EP400: variants seen among roughly 807,000 people sequenced by gnomAD.
EP400 encodes E1A-binding protein p400.
In EP400, 105 loss-of-function variants were observed where a neutral mutation model predicts 354.1. The ratio of observed to expected loss-of-function variants is 0.30; its 90% CI spans 0.25 to 0.35. The LOEUF (loss-of-function observed/expected upper bound fraction) is 0.35, where lower values mean the gene tolerates loss of function less well. Among genes scored for constraint, EP400 ranks in the 10% least tolerant of loss-of-function variants. The probability of loss-of-function intolerance (pLI) is 1.00; values close to 1 mark genes in which losing one functional copy is unlikely to be tolerated. For missense variants in EP400, 3,280 were observed against 4,121.0 expected (o/e 0.80, Z 5.59); for synonymous variants, 1,646 against 1,716.9 (o/e 0.96, Z 1.02).
chr12:131,980,691 G>A (rs1009821022), intron 3 of EP400, among the ~76,000 whole-genome samples: 27 of 152,220 alleles, frequency 1.8e-4, no homozygotes, highest in Non-Finnish European at 3.4e-4. Flanking sequence ...GACTACAGGC[G>A]CGTGCCACCA....
At chr12:131,956,498 T>G (rs1044754825) in intron 1 of EP400, among the ~76,000 whole-genome samples, 6 of 152,208 alleles carry the variant, frequency 3.9e-5, no homozygotes, top group Non-Finnish European at 4.4e-5. Flanking sequence ...GAGTATTGTT[T>G]ATGTACAGTT....
chr12:132,044,829 C>T lies in EP400; in HGVS notation c.6660C>T (p.Asp2220=), dbSNP rs147763834. 1.2e-5 allele frequency: 19 copies of T among 1,614,030 alleles called. No homozygotes were observed. In the African/African-American group the frequency reaches 1.9e-4, roughly 16 times the overall value. ...PLWTPPTPPQ[D]DSDIYLDSVM... Reference sequence around the variant, plus strand: ...GGACCCCACCCACCCCGCCGCAGGACGACAGCGACATCTACCTCGACTCGG... The same window carrying T: ...GGACCCCACCCACCCCGCCGCAGGATGACAGCGACATCTACCTCGACTCGG... The change falls in exon 37 of 53, where the codon GAC becomes GAT. Residue 2220 remains aspartate, a synonymous_variant. Transcript: ENST00000389561.
chr12:131,999,921 C>G (rs1179003263), intron 12 of EP400, among the ~76,000 whole-genome samples: 5 of 150,208 alleles, frequency 3.3e-5, no homozygotes, highest in Non-Finnish European at 7.4e-5. Flanking sequence ...CTTCTTTCTC[C>G]TAATACTGTG....
chr12:131,970,995 C>T (rs1449050141), intron 2 of EP400, among the ~76,000 whole-genome samples: 3 of 152,010 alleles, frequency 2.0e-5, no homozygotes, highest in African/African-American at 2.4e-5. Context: ...CTTGAGACCG[C>T]GTATTCAAGA....
At position 132,069,527 on chromosome 12, in the gene EP400, G is replaced by T. The variant is rs138421958; in HGVS notation, c.8907G>T (p.Ala2969=). The stretch of plus-strand genomic sequence containing the variant: ...CACAGCAGATCACCACCCCTGGCGC[G>T]CAGCAGAAGGTTGCCTACGCCGCGC... The part of the protein sequence containing the change: ...ITAQQITTPG[A]QQKVAYAAQP... The change falls in exon 51 of 53, where the codon GCG becomes GCT. Residue 2969 remains alanine, a synonymous_variant. Coordinates refer to ENST00000389561, the MANE Select transcript of EP400 (RefSeq NM_015409.5). The T allele has an allele frequency of 3.7e-6, 6 of 1,614,210 alleles. No homozygotes were observed. Among genetic ancestry groups the T allele is most frequent in the South Asian group, 1.1e-5 (1 of 91,092 alleles).
intron 15 of EP400, among the ~76,000 whole-genome samples, chr12:132,010,363 G>T (rs1893726605): frequency 6.6e-6 from 1 of 152,154 alleles, no homozygotes; most frequent in Non-Finnish European, 1.5e-5. Context: ...GTGATTACAG[G>T]TGTGAGCCAC....
intron 2 of EP400, among the ~76,000 whole-genome samples, chr12:131,963,969 C>G (rs1018921934): frequency 1.3e-5 from 2 of 151,870 alleles, no homozygotes; most frequent in Non-Finnish European, 2.9e-5. Flanking sequence ...TTCTTGTGTC[C>G]TTTATTTTGA....
At chr12:131,999,314 G>T (rs1217144245) in intron 12 of EP400, among the ~76,000 whole-genome samples, 3 of 152,164 alleles carry the variant, frequency 2.0e-5, no homozygotes, top group African/African-American at 7.2e-5. Flanking sequence ...CTGCTCTCAG[G>T]ATGACTATGA....
intron 12 of EP400, among the ~76,000 whole-genome samples, chr12:132,004,561 TTTTA>T (rs1404406796): frequency 9.2e-5 from 14 of 152,380 alleles, no homozygotes; most frequent in African/African-American, 2.9e-4. Flanking sequence ...CTTTTTACAT[TTTTA>T]TTTATTAGTC....
chr12:131,990,802 C>T lies in EP400; in HGVS notation c.2629+88C>T, dbSNP rs996401579. 4 of 946,008 alleles carry T rather than the reference C, an allele frequency of 4.2e-6. No homozygotes were observed. Among genetic ancestry groups the T allele is most frequent in the Non-Finnish European group, 6.6e-6 (4 of 606,042 alleles). 58.6% of individuals were successfully genotyped at this position (946,008 alleles called of 1,614,324 possible). A position where few individuals can be genotyped will look rare whatever the true frequency, so the allele number is the denominator to read the frequency against. Reference sequence around the variant, plus strand: ...AGCAGGCAGTCTCCTGGCGCTGTGGCTTCCCACAGAGGACATCTGCTCATC... The same window carrying T: ...AGCAGGCAGTCTCCTGGCGCTGTGGTTTCCCACAGAGGACATCTGCTCATC... On this transcript the variant is annotated intron_variant, in intron 9 of 52. Transcript: ENST00000389561. The surrounding 1 kb of genome is among the most constrained non-coding windows in gnomAD (Gnocchi z 4.2).
At chr12:132,006,612 A>G (rs1193357862) in intron 14 of EP400, 88 bp from the exon 15 acceptor site, 2 of 1,324,982 alleles carry the variant, frequency 1.5e-6, no homozygotes, top group East Asian at 2.4e-5. Context: ...TAATTGGTTT[A>G]TCATGTGACT....
intron 2 of EP400, among the ~76,000 whole-genome samples, chr12:131,973,147 T>C (rs1454522731): frequency 1.3e-5 from 2 of 152,266 alleles, no homozygotes; most frequent in Non-Finnish European, 2.9e-5. Flanking sequence ...TAATTCTGTT[T>C]TTAACTGCTG....
chr12:132,072,482 T>C (rs544012567), intron 51 of EP400, among the ~76,000 whole-genome samples: 7 of 152,352 alleles, frequency 4.6e-5, no homozygotes, highest in African/African-American at 1.4e-4. Flanking sequence ...TTACTTTTTA[T>C]TATTGACTTA....
rs1172992557 is a variant in EP400 at position 132,006,092 on chromosome 12, C to G, written c.2936-20C>G. Reference sequence around the variant, plus strand: ...AGCCTTCTCAGTGGCCCTCACTTCTCTGTTTTATTGTCGTTACAGATGCAG... The same window carrying G: ...AGCCTTCTCAGTGGCCCTCACTTCTGTGTTTTATTGTCGTTACAGATGCAG... On this transcript the variant is annotated intron_variant, in intron 13 of 52. Transcript: ENST00000389561. The G allele has an allele frequency of 6.3e-7, 1 of 1,598,410 alleles. No homozygotes were observed. Among genetic ancestry groups the G allele is most frequent in the Non-Finnish European group, 8.6e-7 (1 of 1,169,416 alleles).
intron 12 of EP400, among the ~76,000 whole-genome samples, chr12:132,000,792 A>G (rs902238876): frequency 6.6e-6 from 1 of 152,248 alleles, no homozygotes; most frequent in Non-Finnish European, 1.5e-5. Flanking sequence ...GTTAAATTCC[A>G]GTTACCAGTT....
Position 131,961,937 on chromosome 12 carries a change from G to C in EP400, c.1318G>C (p.Glu440Gln), listed in dbSNP as rs770352911. ...EEEEEEEEKS[E>Q]VINDEQQALA... is the part of the protein sequence containing the mutation. ...GGAGGAAGAGGAGGAAGAAAAATCT[G>C]AGGTTATCAATGACGAGGTAAGAAA... The change falls in exon 2 of 53, where the codon GAG becomes CAG. Residue 440 changes from glutamate (E) to glutamine (Q), a missense_variant. Transcript: ENST00000389561. 1 of 1,612,196 alleles carries C rather than the reference G, an allele frequency of 6.2e-7. No individual in the cohort carries two copies. The highest frequency in any genetic ancestry group is 1.1e-5 in the South Asian group (1 of 91,030).
Position 131,990,139 on chromosome 12 carries a change from C to T in EP400, c.2550+35C>T, listed in dbSNP as rs1265454920. ...GCCGTTGTCATGGGGTCGTAAGAAT[C>T]AGTCTGTCGGAGCTGGTGAGGCCAC... On this transcript the variant is annotated intron_variant, in intron 8 of 52. Transcript: ENST00000389561. This position sits in a 1 kb window ranked among gnomAD's most constrained non-coding sequence, Gnocchi z 4.2. The T allele has an allele frequency of 1.2e-5, 19 of 1,579,086 alleles. No individual in the cohort carries two copies. Among genetic ancestry groups the T allele is most frequent in the Non-Finnish European group, 1.6e-5 (19 of 1,165,918 alleles).
In EP400 at chr12:132,067,606, T is replaced by C; in HGVS notation, c.8874+120T>C. 4 of 1,413,610 alleles carry C rather than the reference T, an allele frequency of 2.8e-6. No homozygotes were observed. Among genetic ancestry groups the C allele is most frequent in the Non-Finnish European group, 3.8e-6 (4 of 1,051,452 alleles). The allele number at this position is 1,413,610 out of a possible 1,614,324, so 87.6% of individuals were successfully genotyped here. A position where few individuals can be genotyped will look rare whatever the true frequency, so the allele number is the denominator to read the frequency against. On this transcript the variant is annotated intron_variant, in intron 50 of 52. Coordinates refer to ENST00000389561, the MANE Select transcript of EP400 (RefSeq NM_015409.5). The surrounding 1 kb of genome is among the most constrained non-coding windows in gnomAD (Gnocchi z 5.3). ...CGGCTCACGCTTTTCAGAGGGTGGCTTCAAGGGCTGGAGGTGCTAGTGTGG... is the reference window on the plus strand; with the variant it reads ...CGGCTCACGCTTTTCAGAGGGTGGCCTCAAGGGCTGGAGGTGCTAGTGTGG...
At chr12:131,971,957 G>A (rs899171473) in intron 2 of EP400, among the ~76,000 whole-genome samples, 4 of 151,942 alleles carry the variant, frequency 2.6e-5, no homozygotes, top group African/African-American at 4.8e-5. Flanking sequence ...AATTTCTTTT[G>A]TATGTGTGAT....
Sources: gnomAD v4.1 joint callset for allele counts (sites outside exome capture counted in the v4.1 genomes callset) on GRCh38, gnomAD v4.1.1 for gene constraint, Gnocchi (gnomAD v3.1) non-coding constraint, MANE v1.5 for transcripts, NCBI Gene and HGNC (gene_info 2026-07-23, HGNC 2026-07-21) for gene names.